The following SLC24A3 variants were observed in gnomAD, a reference collection of about 807,000 sequenced individuals.
The protein encoded by SLC24A3 is solute carrier family 24 member 3, also known as sodium/potassium/calcium exchanger 3.
Under a neutral mutation model 75.8 loss-of-function variants are expected in SLC24A3, and 28 were observed. The ratio of observed to expected loss-of-function variants is 0.37; its 90% CI spans 0.27 to 0.51. SLC24A3 has a LOEUF of 0.51. Among genes scored for constraint, SLC24A3 ranks in the 20% least tolerant of loss-of-function variants. The pLI is 0.94. For missense variants in SLC24A3, 663 were observed against 847.8 expected, an observed-to-expected ratio of 0.78 and a Z score of 2.71; for synonymous variants, 372 against 334.1, an observed-to-expected ratio of 1.11 and a Z score of -1.24.
At chr20:19,247,691 C>T (rs1407968723) in intron 1 of SLC24A3, among the ~76,000 whole-genome samples, 1 of 152,120 alleles carries the variant, frequency 6.6e-6, no homozygotes, top group Non-Finnish European at 1.5e-5. Flanking sequence ...TGACTATTTC[C>T]TTATTAATTG....
chr20:19,264,707 C>T lies in SLC24A3; in HGVS notation c.143-16252C>T, dbSNP rs376373416. Among the ~76,000 whole-genome samples the T allele has an allele frequency of 9.6e-3, 1,262 of 131,206 alleles. 29 individuals carry two copies. Among genetic ancestry groups the T allele is most frequent in the South Asian group, 0.094 (386 of 4,112 alleles). The allele number at this position is 131,206 out of a possible 152,430, so 86.1% of individuals were successfully genotyped here. A position where few individuals can be genotyped will look rare whatever the true frequency, so the allele number is the denominator to read the frequency against. On this transcript the variant is annotated intron_variant, in intron 1 of 16. Transcript: ENST00000328041. ...TCACGCCACTGCACTCCAGCCTGGG[C>T]GACAGAGCGAGACTCCATCTCAAAA...
In SLC24A3 at chr20:19,682,204, G is replaced by A. The variant is rs540719949; in HGVS notation, c.901+213G>A. Among the ~76,000 whole-genome samples the A allele has an allele frequency of 5.3e-4, 80 of 152,220 alleles. 1 individual carries two copies. The highest frequency in any genetic ancestry group is 6.8e-3 in the Middle Eastern group (2 of 294). ...CAGGAGGCAGACGTTGCAGTGAGCC[G>A]AGATTGCTCTACTGCACTCCAGTCA... On this transcript the variant is annotated intron_variant, in intron 10 of 16. Transcript: ENST00000328041.
At chr20:19,645,276 G>A (rs149000519) in intron 6 of SLC24A3, among the ~76,000 whole-genome samples, 2 of 152,280 alleles carry the variant, frequency 1.3e-5, no homozygotes, top group East Asian at 1.9e-4. Context: ...TGTCAGGGGC[G>A]CATAGCACAG....
At chr20:19,487,765 G>T (rs1185665667) in intron 2 of SLC24A3, among the ~76,000 whole-genome samples, 1 of 152,206 alleles carries the variant, frequency 6.6e-6, no homozygotes, top group Non-Finnish European at 1.5e-5. Flanking sequence ...TACAGAGCAA[G>T]CCATAGCTAC....
intron 7 of SLC24A3, among the ~76,000 whole-genome samples, chr20:19,663,474 T>TCCTCCTCCA (rs2032361998): frequency 7.5e-6 from 1 of 132,954 alleles, no homozygotes; most frequent in Non-Finnish European, 1.6e-5. Context: ...CTCCTCCTCC[T>TCCTCCTCCA]CCGCCTTCTC....
chr20:19,217,762 A>G (rs147069845), intron 1 of SLC24A3, among the ~76,000 whole-genome samples: 62 of 152,112 alleles, frequency 4.1e-4, no homozygotes, highest in African/African-American at 1.4e-3. Flanking sequence ...CTGCTCCTCA[A>G]AAGGTCTATG....
chr20:19,564,095 A>G (rs2030919132), intron 3 of SLC24A3, among the ~76,000 whole-genome samples: 1 of 152,236 alleles, frequency 6.6e-6, no homozygotes, highest in African/African-American at 2.4e-5. Context: ...GGAAGATCCC[A>G]GTATTGGCAA....
chr20:19,228,306 T>C (rs1021525259), intron 1 of SLC24A3, among the ~76,000 whole-genome samples: 5 of 152,194 alleles, frequency 3.3e-5, no homozygotes, highest in African/African-American at 1.2e-4. Flanking sequence ...CTTTTCATTA[T>C]GCTGTGGAAG....
chr20:19,316,728 G>T (rs1206941830), intron 2 of SLC24A3, among the ~76,000 whole-genome samples: 1 of 152,164 alleles, frequency 6.6e-6, no homozygotes, highest in East Asian at 1.9e-4. Flanking sequence ...CAATGAGAAT[G>T]ATCTCAAGGT....
At chr20:19,449,555 T>G (rs1350993476) in intron 2 of SLC24A3, among the ~76,000 whole-genome samples, 3 of 152,200 alleles carry the variant, frequency 2.0e-5, no homozygotes, top group Non-Finnish European at 4.4e-5. Context: ...CTCAGCCCAG[T>G]GGGATGTCCA....
chr20:19,580,154 C>A (rs1250842250), intron 4 of SLC24A3, 80 bp downstream of exon 4: 2 of 1,308,648 alleles, frequency 1.5e-6, no homozygotes, highest in Non-Finnish European at 2.2e-6. Context: ...GCCTCCTCAC[C>A]AAAGTCCTGG....
intron 1 of SLC24A3, among the ~76,000 whole-genome samples, chr20:19,261,163 A>T (rs1201184623): frequency 1.3e-5 from 2 of 152,190 alleles, no homozygotes; most frequent in East Asian, 3.9e-4. Context: ...ATGGGAATTT[A>T]TTCCAGAGAC....
chr20:19,271,096 A>G (rs933700100), intron 1 of SLC24A3, among the ~76,000 whole-genome samples: 3 of 152,174 alleles, frequency 2.0e-5, no homozygotes, highest in Admixed American at 2.0e-4. Context: ...GCTCAGCCCT[A>G]TAGGTCATTA....
intron 6 of SLC24A3, among the ~76,000 whole-genome samples, chr20:19,631,299 A>T (rs956610803): frequency 3.3e-5 from 5 of 152,218 alleles, no homozygotes; most frequent in African/African-American, 1.2e-4. Context: ...GTAAGCTGAG[A>T]TCACACCGCT....
At chr20:19,334,833 T>C (rs778989440) in intron 2 of SLC24A3, among the ~76,000 whole-genome samples, 1 of 151,936 alleles carries the variant, frequency 6.6e-6, no homozygotes, top group South Asian at 2.1e-4. Flanking sequence ...CTTCTAGGGG[T>C]GTTTGTTGGC....
At chr20:19,673,075 G>A (rs2032487028) in intron 8 of SLC24A3, among the ~76,000 whole-genome samples, 1 of 152,128 alleles carries the variant, frequency 6.6e-6, no homozygotes, top group African/African-American at 2.4e-5. Context: ...CCTTCCTGTG[G>A]AATGTTTTCC....
intron 8 of SLC24A3, among the ~76,000 whole-genome samples, chr20:19,667,509 C>T (rs1331039244): frequency 6.6e-6 from 1 of 152,224 alleles, no homozygotes; most frequent in Non-Finnish European, 1.5e-5. Context: ...GGTGCTTCAA[C>T]GTTGCTCAGT....
intron 2 of SLC24A3, among the ~76,000 whole-genome samples, chr20:19,399,241 T>G (rs1374061604): frequency 6.6e-6 from 1 of 152,122 alleles, no homozygotes; most frequent in Non-Finnish European, 1.5e-5. Flanking sequence ...GTTTGTTTAT[T>G]TTGTATTTCG....
At chr20:19,432,272 T>TTATA (rs3057540) in intron 2 of SLC24A3, among the ~76,000 whole-genome samples, 13 of 145,320 alleles carry the variant, frequency 8.9e-5, no homozygotes, top group Middle Eastern at 3.3e-3. Context: ...TATATCTGTT[T>TTATA]TATATATATA....
Sources: gnomAD v4.1 joint callset for allele counts (sites outside exome capture counted in the v4.1 genomes callset) on GRCh38, gnomAD v4.1.1 for gene constraint, MANE v1.5 for transcripts, NCBI Gene and HGNC (gene_info 2026-07-23, HGNC 2026-07-21) for gene names.